Variants in ST6GALNAC3 observed in about 807,000 individuals in gnomAD.
The protein encoded by ST6GALNAC3 is alpha-N-acetylgalactosaminide alpha-2,6-sialyltransferase 3.
In ST6GALNAC3, 25 loss-of-function variants were observed where a neutral mutation model predicts 32.7. The observed-to-expected ratio is 0.76, with a 90% CI of 0.56 to 1.07. The LOEUF (loss-of-function observed/expected upper bound fraction) is 1.07. Among genes scored for constraint, ST6GALNAC3 ranks in the 50% least tolerant of loss-of-function variants. The pLI is 0.00. For missense variants in ST6GALNAC3, 355 were observed against 382.4 expected (o/e 0.93, Z 0.60); for synonymous variants, 129 against 133.1 (o/e 0.97, Z 0.21).
At chr1:76,552,719 C>T (rs1458645600) in intron 3 of ST6GALNAC3, among the ~76,000 whole-genome samples, 2 of 152,074 alleles carry the variant, frequency 1.3e-5, no homozygotes, top group Admixed American at 6.6e-5. Context: ...ATATGTGCCT[C>T]ATATTTATTT....
intron 2 of ST6GALNAC3, among the ~76,000 whole-genome samples, chr1:76,349,316 G>A (rs190360507): frequency 1.9e-4 from 29 of 152,248 alleles, no homozygotes; most frequent in Non-Finnish European, 2.1e-4. Context: ...ATAAATTGGC[G>A]TGGAGGAGAC....
Position 76,223,360 on chromosome 1 carries a change from C to T in ST6GALNAC3, c.19-90445C>T, listed in dbSNP as rs187145117. ...GCTAAACAGTGAGAACACATAAACG[C>T]GAACACAAAGAGAAGAACAACAGAT... is the stretch of plus-strand genomic sequence containing the variant. On this transcript the variant is annotated intron_variant, in intron 1 of 4. Coordinates refer to ENST00000328299, the MANE Select transcript of ST6GALNAC3 (RefSeq NM_152996.4). Among the ~76,000 whole-genome samples the T allele has an allele frequency of 3.4e-4, 52 of 152,012 alleles. No homozygotes were observed. In the South Asian group the frequency reaches 4.8e-3, roughly 14 times the overall value.
At chr1:76,372,374 G>GCA (rs1343295514) in intron 2 of ST6GALNAC3, among the ~76,000 whole-genome samples, 3 of 151,568 alleles carry the variant, frequency 2.0e-5, no homozygotes, top group Non-Finnish European at 2.9e-5. Context: ...ACACACACGC[G>GCA]CACACACACA....
At chr1:76,354,633 A>T (rs190973344) in intron 2 of ST6GALNAC3, among the ~76,000 whole-genome samples, 25 of 152,264 alleles carry the variant, frequency 1.6e-4, no homozygotes, top group African/African-American at 5.8e-4. Context: ...ATGTATGTGA[A>T]CTTTTATGGA....
At chr1:76,219,330 C>A (rs759358946) in intron 1 of ST6GALNAC3, among the ~76,000 whole-genome samples, 1 of 152,162 alleles carries the variant, frequency 6.6e-6, no homozygotes, top group African/African-American at 2.4e-5. Flanking sequence ...AAGTTTATAA[C>A]TATATTCTTT....
At chr1:76,322,110 A>C (rs2100925703) in intron 2 of ST6GALNAC3, among the ~76,000 whole-genome samples, 1 of 152,242 alleles carries the variant, frequency 6.6e-6, no homozygotes, top group East Asian at 1.9e-4. Flanking sequence ...TCAACTATCA[A>C]ATTACCTCAT....
At chr1:76,272,459 C>A (rs1209096416) in intron 1 of ST6GALNAC3, among the ~76,000 whole-genome samples, 1 of 151,864 alleles carries the variant, frequency 6.6e-6, no homozygotes, top group Non-Finnish European at 1.5e-5. Context: ...CGGGGTCTTA[C>A]AAAGTTTATT....
At position 76,295,395 on chromosome 1, in the gene ST6GALNAC3, G is replaced by T. The variant is rs550893407; in HGVS notation, c.19-18410G>T. On this transcript the variant is annotated intron_variant, in intron 1 of 4. Coordinates refer to ENST00000328299, the MANE Select transcript of ST6GALNAC3 (RefSeq NM_152996.4). ...ACTATTGCATTTGGTAAAAGGCAGG[G>T]TGTTAGAATCTGTGTGTATGTGTGT... 2.6e-5 allele frequency among the ~76,000 whole-genome samples: 4 copies of T among 152,238 alleles called. No homozygotes were observed. In the South Asian group the frequency reaches 8.3e-4, roughly 32 times the overall value.
intron 3 of ST6GALNAC3, among the ~76,000 whole-genome samples, chr1:76,432,957 C>T (rs573734607): frequency 1.3e-5 from 2 of 152,280 alleles, no homozygotes; most frequent in Admixed American, 6.5e-5. Context: ...CATCTCCATT[C>T]TCATTATGTT....
At chr1:76,465,707 C>T (rs1472937311) in intron 3 of ST6GALNAC3, among the ~76,000 whole-genome samples, 2 of 151,710 alleles carry the variant, frequency 1.3e-5, no homozygotes, top group Admixed American at 6.6e-5. Context: ...TAGTATTTTT[C>T]ATTTTTTTTT....
chr1:76,268,887 C>T (rs893837130), intron 1 of ST6GALNAC3, among the ~76,000 whole-genome samples: 6 of 152,186 alleles, frequency 3.9e-5, no homozygotes, highest in Admixed American at 3.3e-4. Context: ...CATTCCTCGC[C>T]GTGGCCCTCT....
intron 3 of ST6GALNAC3, among the ~76,000 whole-genome samples, chr1:76,422,845 A>G (rs901587945): frequency 6.6e-6 from 1 of 151,926 alleles, no homozygotes; most frequent in Non-Finnish European, 1.5e-5. Context: ...TTGTTATGAT[A>G]TTTTTCACGG....
At chr1:76,384,572 G>A (rs1651953877) in intron 2 of ST6GALNAC3, among the ~76,000 whole-genome samples, 1 of 151,982 alleles carries the variant, frequency 6.6e-6, no homozygotes. Context: ...ACATCTAAAA[G>A]CTACAGAATG....
intron 3 of ST6GALNAC3, among the ~76,000 whole-genome samples, chr1:76,563,543 G>C (rs1224386049): frequency 1.3e-5 from 2 of 152,096 alleles, no homozygotes; most frequent in Non-Finnish European, 2.9e-5. Flanking sequence ...GCAAAGTCAG[G>C]TATTTAGAAC....
chr1:76,541,669 C>G (rs1315164401), intron 3 of ST6GALNAC3, among the ~76,000 whole-genome samples: 2 of 152,196 alleles, frequency 1.3e-5, no homozygotes, highest in Non-Finnish European at 2.9e-5. Context: ...CTTCCTACTG[C>G]ACTAATATGC....
intron 2 of ST6GALNAC3, among the ~76,000 whole-genome samples, chr1:76,411,607 G>C (rs1654243100): frequency 6.6e-6 from 1 of 151,914 alleles, no homozygotes; most frequent in South Asian, 2.1e-4. Flanking sequence ...TTGATCCCTG[G>C]ATATGTTTCT....
chr1:76,113,635 C>T (rs1648250855), intron 1 of ST6GALNAC3, among the ~76,000 whole-genome samples: 1 of 151,860 alleles, frequency 6.6e-6, no homozygotes, highest in African/African-American at 2.4e-5. Flanking sequence ...TCAACAATGG[C>T]CCCCTTTTGG....
At position 76,497,387 on chromosome 1, in the gene ST6GALNAC3, A is replaced by G. The variant is rs1042959532; in HGVS notation, c.623+84970A>G. On this transcript the variant is annotated intron_variant, in intron 3 of 4. Coordinates refer to ENST00000328299, the MANE Select transcript of ST6GALNAC3 (RefSeq NM_152996.4). ...ATTAAAAGAGAGCTCTGGAAGAGCC[A>G]TAGCAAAGTCCAGAGTTAGGTTATT... is the stretch of plus-strand genomic sequence containing the variant. 3.3e-5 allele frequency among the ~76,000 whole-genome samples: 5 copies of G among 152,320 alleles called. No homozygotes were observed. In the East Asian group the frequency reaches 9.7e-4, roughly 29 times the overall value.
intron 1 of ST6GALNAC3, among the ~76,000 whole-genome samples, chr1:76,233,761 C>T (rs1656496417): frequency 1.3e-5 from 2 of 152,060 alleles, no homozygotes; most frequent in East Asian, 1.9e-4. Flanking sequence ...CTTAGGGGTA[C>T]AAGTGCAATT....
Sources: allele counts gnomAD v4.1 joint callset (sites outside exome capture counted in the v4.1 genomes callset), GRCh38; gene constraint gnomAD v4.1.1; transcripts MANE v1.5; gene names NCBI Gene and HGNC (gene_info 2026-07-23, HGNC 2026-07-21).